The following FAH variants were observed in gnomAD, a reference collection of about 807,000 sequenced individuals.
FAH encodes the protein fumarylacetoacetase.
Under a neutral mutation model 55.8 loss-of-function variants are expected in FAH, and 47 were observed. That is an observed-to-expected ratio of 0.84 (90% confidence interval 0.67 to 1.07). FAH has a LOEUF of 1.07. Ranked by LOEUF, FAH falls within the 50% of genes least tolerant of loss-of-function variation. The pLI, the probability that FAH is intolerant of heterozygous loss-of-function variation, is 0.00. For missense variants in FAH, 495 were observed against 545.9 expected, an observed-to-expected ratio of 0.91 and a Z score of 0.93; for synonymous variants, 199 against 207.7, an observed-to-expected ratio of 0.96 and a Z score of 0.36.
At chr15:80,177,762 G>A (rs2041296618) in intron 11 of FAH, among the ~76,000 whole-genome samples, 179 bp downstream of exon 11, 1 of 152,134 alleles carries the variant, frequency 6.6e-6, no homozygotes, top group Non-Finnish European at 1.5e-5. Flanking sequence ...GAGTTCTCTC[G>A]AGATAGAGGC....
In FAH at chr15:80,159,853, G is replaced by A. The variant is rs766184800; in HGVS notation, c.290G>A (p.Arg97Lys). The A allele has an allele frequency of 6.2e-7, 1 of 1,614,248 alleles. No homozygotes were observed. The highest frequency in any genetic ancestry group is 8.5e-7 in the Non-Finnish European group (1 of 1,180,044). The change falls in exon 3 of 14, where the codon AGA becomes AAA. Residue 97 changes from arginine to lysine, a missense_variant. Arg to Lys is a conservative substitution (Grantham distance 26). Coordinates refer to ENST00000561421, the MANE Select transcript of FAH (RefSeq NM_000137.4). ...NLLSVSQARL[R>K]DDTELRKCAF... ...CTGTCTGTGAGCCAAGCCAGGCTCAGAGATGACACCGAACTTCGGAAGTGG... is the reference window on the plus strand; with the variant it reads ...CTGTCTGTGAGCCAAGCCAGGCTCAAAGATGACACCGAACTTCGGAAGTGG...
intron 9 of FAH, 52 bp from the exon 10 acceptor site, chr15:80,174,964 G>A (rs2041270001): frequency 6.4e-7 from 1 of 1,552,120 alleles, no homozygotes; most frequent in Admixed American, 1.7e-5. Context: ...GCCCAGCCGG[G>A]TGAGCTCAGC....
intron 5 of FAH, among the ~76,000 whole-genome samples, chr15:80,167,465 C>T (rs72740004): frequency 0.073 from 11,080 of 151,324 alleles, 508 homozygotes; most frequent in East Asian, 0.088. Context: ...TCAGGATGAT[C>T]GTGTCTCAAA....
chr15:80,179,955 G>A (rs1208646568), intron 11 of FAH, among the ~76,000 whole-genome samples, 169 bp from the exon 12 acceptor site: 1 of 152,126 alleles, frequency 6.6e-6, no homozygotes, highest in Non-Finnish European at 1.5e-5. Context: ...TCCCCAGGAG[G>A]ACAATGTGTC....
At position 80,174,999 on chromosome 15, in the gene FAH, G is replaced by C. The variant is rs1172160767; in HGVS notation, c.838-17G>C. 1 of 1,613,554 alleles carries C rather than the reference G, an allele frequency of 6.2e-7. No homozygotes were observed. Among genetic ancestry groups the C allele is most frequent in the South Asian group, 1.1e-5 (1 of 91,068 alleles). Reference sequence around the variant, plus strand: ...CCCACCTGCCAGTGACCTCTGTGCTGTGCTTTGCCCTCTCAGGACCCCAGG... The same window carrying C: ...CCCACCTGCCAGTGACCTCTGTGCTCTGCTTTGCCCTCTCAGGACCCCAGG... On this transcript the variant is annotated splice_polypyrimidine_tract_variant and intron_variant, in intron 9 of 13. Coordinates refer to ENST00000561421, the MANE Select transcript of FAH (RefSeq NM_000137.4).
At chr15:80,166,190 C>A (rs994200050) in intron 5 of FAH, 8 of 151,802 alleles carry the variant, frequency 5.3e-5, no homozygotes, top group Non-Finnish European at 1.0e-4. Context: ...AGTGGCATGA[C>A]CTTGGCTCAC....
intron 1 of FAH, among the ~76,000 whole-genome samples, chr15:80,155,718 G>A (rs1040277292): frequency 4.6e-5 from 7 of 152,118 alleles, no homozygotes; most frequent in African/African-American, 1.4e-4. Context: ...CACAAGACAA[G>A]GGGGGCAGGG....
chr15:80,186,052 G>A (rs768768178), intron 13 of FAH, 78 bp from the exon 14 acceptor site: 95 of 1,111,870 alleles, frequency 8.5e-5, no homozygotes, highest in South Asian at 3.5e-4. Flanking sequence ...GTGTGCTGAC[G>A]GGCACTGCCG....
chr15:80,177,522 T>G lies in FAH; in HGVS notation c.914-15T>G, dbSNP rs1348111137. On this transcript the variant is annotated splice_polypyrimidine_tract_variant and intron_variant, in intron 10 of 13. Transcript: ENST00000561421. ...GGAATTAAGTTTTCATCAATATTGC[T>G]TTTCTTTCCAACAGGAGAAGGAATG... The G allele has an allele frequency of 6.2e-7, 1 of 1,612,870 alleles. No individual in the cohort carries two copies. The highest frequency in any genetic ancestry group is 2.2e-5 in the East Asian group (1 of 44,888).
At chr15:80,164,840 G>T (rs1255768140) in intron 5 of FAH, among the ~76,000 whole-genome samples, 1 of 152,228 alleles carries the variant, frequency 6.6e-6, no homozygotes, top group Non-Finnish European at 1.5e-5. Context: ...CTTTGAACAA[G>T]TTGGATGTGC....
At chr15:80,155,981 T>C (rs971087588) in intron 1 of FAH, 19 of 472,408 alleles carry the variant, frequency 4.0e-5, no homozygotes, top group Admixed American at 1.2e-4. Flanking sequence ...AGCGTGACCA[T>C]TGAAGCACAG....
chr15:80,162,645 T>G (rs2041158993), intron 5 of FAH: 1 of 435,034 alleles, frequency 2.3e-6, no homozygotes, highest in South Asian at 2.1e-5. Flanking sequence ...TATTGTACTA[T>G]GGGCAAGTCT....
Position 80,159,860 on chromosome 15 carries a change from C to T in FAH, c.297C>T (p.Asp99=), listed in dbSNP as rs1595890511. ...TGAGCCAAGCCAGGCTCAGAGATGA[C>T]ACCGAACTTCGGAAGTGGTGAGAAG... ...LSVSQARLRD[D]TELRKCAFIS... Residue 99 remains aspartate (D), a synonymous_variant, in exon 3 of 14, where the codon GAC becomes GAT. Coordinates refer to ENST00000561421, the MANE Select transcript of FAH (RefSeq NM_000137.4). 6.2e-7 allele frequency: 1 copy of T among 1,614,224 alleles called. No homozygotes were observed.
At chr15:80,170,684 G>A (rs775172604) in intron 7 of FAH, among the ~76,000 whole-genome samples, 5 of 152,246 alleles carry the variant, frequency 3.3e-5, no homozygotes, top group Non-Finnish European at 7.3e-5. Context: ...GAGAGGGAGA[G>A]AGAAAAGACA....
Position 80,181,160 on chromosome 15 carries a change from G to A in FAH, c.1180+1G>A, listed in dbSNP as rs980415517. 1 of 1,603,850 alleles carries A rather than the reference G, an allele frequency of 6.2e-7. No individual in the cohort carries two copies. The highest frequency in any genetic ancestry group is 8.5e-7 in the Non-Finnish European group (1 of 1,170,944). On this transcript the variant is annotated splice_donor_variant, in intron 13 of 13. Transcript: ENST00000561421. LOFTEE classifies it high-confidence loss of function. Reference sequence around the variant, plus strand: ...GACGGGGATGAAGTCATCATAACAGGTGAGGGCTGCCAAACCCAGCAGCTC... The same window carrying A: ...GACGGGGATGAAGTCATCATAACAGATGAGGGCTGCCAAACCCAGCAGCTC...
upstream of FAH, chr15:80,152,978 C>T: frequency 1.5e-6 from 2 of 1,344,280 alleles, no homozygotes; most frequent in Non-Finnish European, 2.1e-6. Flanking sequence ...GGGGCCGGGC[C>T]TGACCACAGC....
chr15:80,183,518 G>C (rs1344291775), intron 13 of FAH, among the ~76,000 whole-genome samples: 1 of 152,178 alleles, frequency 6.6e-6, no homozygotes, highest in Admixed American at 6.5e-5. Context: ...GCCCTGCTGA[G>C]CTGCTTTCTT....
At chr15:80,182,638 A>G (rs2041340616) in intron 13 of FAH, among the ~76,000 whole-genome samples, 2 of 152,178 alleles carry the variant, frequency 1.3e-5, no homozygotes, top group South Asian at 2.1e-4. Context: ...TCTACTCACA[A>G]TAGCCCTTTG....
At chr15:80,178,149 A>G (rs564939946) in intron 11 of FAH, among the ~76,000 whole-genome samples, 2 of 152,286 alleles carry the variant, frequency 1.3e-5, no homozygotes, top group African/African-American at 2.4e-5. Context: ...GCAGTGAGCC[A>G]TGATCACACC....
Sources: gnomAD v4.1 joint callset for allele counts (sites outside exome capture counted in the v4.1 genomes callset) on GRCh38, gnomAD v4.1.1 for gene constraint, MANE v1.5 for transcripts, NCBI Gene and HGNC (gene_info 2026-07-23, HGNC 2026-07-21) for gene names.